Variants in WASHC1 observed in about 807,000 individuals in gnomAD.
The protein encoded by WASHC1 is CXYorf1-like protein on chromosome 9.
WASHC1 carries 11 observed loss-of-function variants against 26.1 expected under a neutral mutation model. That is an observed-to-expected ratio of 0.42 (90% CI 0.27 to 0.70). The LOEUF (loss-of-function observed/expected upper bound fraction) is 0.70. Ranked by LOEUF, WASHC1 falls within the 30% of genes least tolerant of loss-of-function variation. The probability of loss-of-function intolerance (pLI) is 0.24; values close to 1 mark genes in which losing one functional copy is unlikely to be tolerated. For missense variants in WASHC1, 96 were observed against 304.9 expected, an observed-to-expected ratio of 0.31 and a Z score of 5.10; for synonymous variants, 37 against 126.6, an observed-to-expected ratio of 0.29 and a Z score of 4.75.
chr9:14,838 G>C (rs746196755), exon 11 of WASHC1: 29 of 1,494,054 alleles, frequency 1.9e-5, no homozygotes, highest in East Asian at 1.1e-4. Context: ...GTCCTCCTCT[G>C]CCTGTGGCTG....
At position 17,169 on chromosome 9, in the gene WASHC1, G is replaced by A. The variant is rs1816453545; in HGVS notation, c.682-3C>T. The A allele has an allele frequency of 8.6e-6, 11 of 1,280,630 alleles. 1 individual carries two copies. Among genetic ancestry groups the A allele is most frequent in the Non-Finnish European group, 1.1e-5 (11 of 958,834 alleles). 79.3% of individuals were successfully genotyped at this position (1,280,630 alleles called of 1,614,324 possible). The stretch of plus-strand genomic sequence containing the variant: ...ACATAGAAGTAGTTCTCTGGGACCT[G>A]CAAGATTAGGCAGGGACATGTGAGA... On this transcript the variant is annotated splice_region_variant and splice_polypyrimidine_tract_variant and intron_variant, in intron 6 of 10. Coordinates refer to ENST00000442898, the Ensembl canonical transcript of WASHC1.
chr9:17,608 CA>C (rs1816538068), intron 5 of WASHC1, 110 bp downstream of exon 5: 1 of 557,568 alleles, frequency 1.8e-6, no homozygotes. Context: ...CCACCCCAGT[CA>C]CCCCCTGGCT....
In WASHC1 at chr9:25,846, A is replaced by G. The variant is rs201288291; in HGVS notation, c.-5-842T>C. 1.9e-3 allele frequency among the ~76,000 whole-genome samples: 157 copies of G among 81,426 alleles called. 3 individuals are homozygous for G. The highest frequency in any genetic ancestry group is 0.011 in the Middle Eastern group (2 of 180). The allele number at this position is 81,426 out of a possible 152,430, so 53.4% of individuals were successfully genotyped here. A position where few individuals can be genotyped will look rare whatever the true frequency, so the allele number is the denominator to read the frequency against. ...TAAATAGGCCTAATCACAGCCCCTC[A>G]CTGGAAAATGGTAAGGAAGACATTA... On this transcript the variant is annotated intron_variant, in intron 1 of 10. Transcript: ENST00000442898.
At chr9:14,740 C>G (rs1816001009) in exon 11 of WASHC1, 1 of 1,443,894 alleles carries the variant, frequency 6.9e-7, no homozygotes, top group African/African-American at 1.5e-5. Context: ...GCAGCTTGTC[C>G]TGGCTGTGTC....
At chr9:30,233 T>TA (rs1817649192), upstream of WASHC1, 3 of 260,154 alleles carry the variant, frequency 1.2e-5, no homozygotes, top group South Asian at 2.6e-5. Flanking sequence ...ATACTTATGC[T>TA]AAAAAACATT....
At chr9:15,824 G>C (rs1321816260) in intron 9 of WASHC1, 85 bp downstream of exon 9, 2 of 1,317,906 alleles carry the variant, frequency 1.5e-6, no homozygotes, top group African/African-American at 2.0e-5. Flanking sequence ...GGGGTGGGCA[G>C]AAAGCACCCG....
Position 15,935 on chromosome 9 carries a change from T to C in WASHC1, c.1169A>G (p.Lys390Arg). 2 of 1,383,946 alleles carry C rather than the reference T, an allele frequency of 1.4e-6. 1 individual carries two copies. The highest frequency in any genetic ancestry group is 2.0e-6 in the Non-Finnish European group (2 of 1,015,950). The allele number at this position is 1,383,946 out of a possible 1,614,324, so 85.7% of individuals were successfully genotyped here. ...TTGCTCCTGCTCCTTCTGCTGCTGC[T>C]TCTCCAGCTTTCGCTCCTTCATGCT... Residue 390 changes from lysine (K) to arginine (R), a missense_variant, in exon 9 of 11, where the codon AAG (lysine) becomes AGG (arginine). By Grantham distance (26) the Lys-to-Arg change is conservative. This residue lies in a region of WASHC1 where 54 missense variants were observed against 93.9 expected (regional missense o/e 0.58). Coordinates refer to ENST00000442898, the Ensembl canonical transcript of WASHC1.
rs1313261078 is a variant in WASHC1, at chr9:17,130, G to A, written c.718C>T (p.Gln240Ter). ...GATGGAACATGGATCTCAGGCACCT[G>A]GCCCAGGTCTGGCACATAGAAGTAG... The change falls in exon 7 of 11, where the codon CAG (glutamine) becomes TAG (stop). Residue 240 changes from glutamine to a stop codon, truncating the protein, a stop_gained. Transcript: ENST00000442898. LOFTEE classifies it high-confidence loss of function. 3.8e-5 allele frequency: 48 copies of A among 1,262,780 alleles called. 10 individuals are homozygous for A. Among genetic ancestry groups the A allele is most frequent in the Non-Finnish European group, 4.5e-5 (43 of 961,662 alleles). 78.2% of individuals were successfully genotyped at this position (1,262,780 alleles called of 1,614,324 possible).
exon 11 of WASHC1, chr9:14,666 C>G: frequency 8.3e-7 from 1 of 1,201,636 alleles, no homozygotes; most frequent in Non-Finnish European, 1.2e-6. Context: ...CAGCCTTCCG[C>G]TCCTTGAAGC....
chr9:14,707 C>T, exon 11 of WASHC1: 2 of 1,347,536 alleles, frequency 1.5e-6, no homozygotes, highest in South Asian at 2.5e-5. Flanking sequence ...TTCCGTCACC[C>T]CCTCCCAGGG....
rs1201102685 is a variant in WASHC1, at chr9:15,854, G to A, written c.1195+55C>T. The stretch of plus-strand genomic sequence containing the variant: ...CACCCGGTGGACTCAGGGCTGGAGG[G>A]GAGGAGGCGATCTTGCCCAAGGCCC... On this transcript the variant is annotated intron_variant, in intron 9 of 10. Transcript: ENST00000442898. The A allele has an allele frequency of 1.9e-5, 26 of 1,386,534 alleles. 2 individuals are homozygous for A. The highest frequency in any genetic ancestry group is 5.0e-5 in the South Asian group (4 of 79,290). The allele number at this position is 1,386,534 out of a possible 1,614,324, so 85.9% of individuals were successfully genotyped here.
chr9:18,047 A>AG lies in WASHC1; in HGVS notation c.388dup (p.Leu130ProfsTer84). 1 of 88,592 alleles carries AG rather than the reference A, an allele frequency of 1.1e-5. No individual in the cohort carries two copies. The highest frequency in any genetic ancestry group is 1.8e-5 in the Non-Finnish European group (1 of 54,428). The allele number at this position is 88,592 out of a possible 1,614,324, so 5.5% of individuals were successfully genotyped here. A position where few individuals can be genotyped will look rare whatever the true frequency, so the allele number is the denominator to read the frequency against. ...GCAGACCTGCAGGGCCCGCTCGTCC[A>AG]GGGGGCGGTGCTTGCTCTGGATCCT... is the stretch of plus-strand genomic sequence containing the variant. On this transcript the variant is annotated frameshift_variant, in exon 4 of 11. Transcript: ENST00000442898. LOFTEE classifies it high-confidence loss of function.
intron 9 of WASHC1, among the ~76,000 whole-genome samples, chr9:15,703 CCAAA>C (rs747867910): frequency 0.11 from 6,406 of 56,754 alleles, 1 homozygote; most frequent in African/African-American, 0.19. Flanking sequence ...ACTATGGCTC[CCAAA>C]CCAGGAAGGA....
chr9:23,602 C>G (rs1380336681), intron 2 of WASHC1, among the ~76,000 whole-genome samples: 2 of 112,246 alleles, frequency 1.8e-5, no homozygotes, highest in Non-Finnish European at 3.4e-5. Flanking sequence ...AGTGAAGGAG[C>G]AGGGGCTCCA....
chr9:15,834 G>A (rs1174976971), intron 9 of WASHC1, 75 bp downstream of exon 9: 96 of 1,345,806 alleles, frequency 7.1e-5, no homozygotes, highest in Admixed American at 2.5e-4. Flanking sequence ...GAAAGCACCC[G>A]GTGGACTCAG....
At chr9:21,467 T>A (rs1394471441) in intron 2 of WASHC1, among the ~76,000 whole-genome samples, 6 of 145,920 alleles carry the variant, frequency 4.1e-5, no homozygotes, top group African/African-American at 1.6e-4. Flanking sequence ...CCCTGTCGTA[T>A]CCTGACTACA....
chr9:28,100 TTTG>T (rs1817449400), intron 1 of WASHC1: 1 of 91,788 alleles, frequency 1.1e-5, no homozygotes, highest in Non-Finnish European at 2.0e-5. Flanking sequence ...TTCCAAGCTT[TTTG>T]TTATTTATTG....
At chr9:22,128 C>A (rs1430177812) in intron 2 of WASHC1, among the ~76,000 whole-genome samples, 3 of 142,422 alleles carry the variant, frequency 2.1e-5, no homozygotes, top group Non-Finnish European at 3.0e-5. Flanking sequence ...CTTGGGGAAT[C>A]CATCTCTCTC....
At chr9:22,118 C>T (rs1817018856) in intron 2 of WASHC1, among the ~76,000 whole-genome samples, 1 of 142,672 alleles carries the variant, frequency 7.0e-6, no homozygotes, top group East Asian at 2.0e-4. Context: ...CCCCATTTCC[C>T]TTGGGGAATC....
Sources: allele counts gnomAD v4.1 joint callset (sites outside exome capture counted in the v4.1 genomes callset), GRCh38; gene constraint gnomAD v4.1.1; regional missense constraint gnomAD v4.1.1; transcripts MANE v1.5; gene names NCBI Gene and HGNC (gene_info 2026-07-23, HGNC 2026-07-21).